The following SENP7 variants were observed in gnomAD, a reference collection of about 807,000 sequenced individuals.
The protein encoded by SENP7 is sentrin-specific protease 7.
Under a neutral mutation model 141.2 loss-of-function variants are expected in SENP7, and 64 were observed. The ratio of observed to expected loss-of-function variants is 0.45; its 90% CI spans 0.37 to 0.56. The LOEUF (loss-of-function observed/expected upper bound fraction) is 0.56, where lower values mean the gene tolerates loss of function less well. Among genes scored for constraint, SENP7 ranks in the 20% least tolerant of loss-of-function variants. SENP7 has a pLI of 0.00. For missense variants in SENP7, 1,025 were observed against 1,212.2 expected (o/e 0.85, Z 2.29); for synonymous variants, 382 against 426.4 (o/e 0.90, Z 1.28).
At chr3:101,334,828 G>A (rs1024562372) in intron 17 of SENP7, among the ~76,000 whole-genome samples, 29 of 152,092 alleles carry the variant, frequency 1.9e-4, no homozygotes, top group African/African-American at 5.6e-4. Context: ...CATAGAATGA[G>A]GCAAGGAGGA....
At chr3:101,509,989 C>G (rs2065784262) in intron 1 of SENP7, among the ~76,000 whole-genome samples, 1 of 152,180 alleles carries the variant, frequency 6.6e-6, no homozygotes, top group African/African-American at 2.4e-5. Context: ...TTATCCTTAA[C>G]TACAAATGAG....
Position 101,417,634 on chromosome 3 carries a change from T to C in SENP7, c.441A>G (p.Gln147=), listed in dbSNP as rs777321475. Residue 147 remains glutamine (Q), a synonymous_variant, in exon 5 of 24, where the codon CAA becomes CAG. Transcript: ENST00000394095. Reference sequence around the variant, plus strand: ...GGCTTTGGCGAAGAGGTTCTAATTTTTGACATGTCTCTAGGCTGTCAACAG... The same window carrying C: ...GGCTTTGGCGAAGAGGTTCTAATTTCTGACATGTCTCTAGGCTGTCAACAG... ...STSVDSLETC[Q]KLEPLRQSLN... is the part of the protein sequence containing the mutation. 3.7e-6 allele frequency: 6 copies of C among 1,613,998 alleles called. No individual in the cohort carries two copies. Among genetic ancestry groups the C allele is most frequent in the South Asian group, 1.1e-5 (1 of 91,080 alleles).
Position 101,513,137 on chromosome 3 carries a change from C to T in SENP7, c.-7G>A. 1 of 1,607,624 alleles carries T rather than the reference C, an allele frequency of 6.2e-7. No homozygotes were observed. Among genetic ancestry groups the T allele is most frequent in the African/African-American group, 1.4e-5 (1 of 73,930 alleles). On this transcript the variant is annotated 5_prime_UTR_variant, in exon 1 of 24. Transcript: ENST00000394095. ...CGAGCTTTCTCTTGTCCATCTTCTCCCGCTGCTGAAATTTCAGTTGCAGGC... is the reference window on the plus strand; with the variant it reads ...CGAGCTTTCTCTTGTCCATCTTCTCTCGCTGCTGAAATTTCAGTTGCAGGC...
chr3:101,329,699 A>G (rs1319171484), intron 20 of SENP7, among the ~76,000 whole-genome samples: 1 of 149,920 alleles, frequency 6.7e-6, no homozygotes, highest in East Asian at 2.0e-4. Context: ...GCACTTTGGG[A>G]GGCCCAGGCA....
chr3:101,431,783 C>CAA (rs5851272), intron 4 of SENP7, among the ~76,000 whole-genome samples: 3 of 151,386 alleles, frequency 2.0e-5, no homozygotes, highest in South Asian at 4.2e-4. Flanking sequence ...GACTTCGTCT[C>CAA]AAAAAAAATC....
intron 23 of SENP7, among the ~76,000 whole-genome samples, chr3:101,327,340 T>TC (rs2058929540): frequency 6.6e-6 from 1 of 152,040 alleles, no homozygotes; most frequent in African/African-American, 2.4e-5. Context: ...GGGGCGGTTT[T>TC]CCCCCATGCT....
In SENP7 at chr3:101,331,464, G is replaced by A. The variant is rs1425029807; in HGVS notation, c.2698+521C>T. Among the ~76,000 whole-genome samples the A allele has an allele frequency of 1.1e-4, 10 of 87,674 alleles. No homozygotes were observed. In the Admixed American group the frequency reaches 1.2e-3, roughly 11 times the overall value. The allele number at this position is 87,674 out of a possible 152,430, so 57.5% of individuals were successfully genotyped here. The stretch of plus-strand genomic sequence containing the variant: ...AGCCACTGCACTACACCAAGACAAC[G>A]TCTCTTAAAAAAAAAAAAAAAGTAT... On this transcript the variant is annotated intron_variant, in intron 19 of 23. Transcript: ENST00000394095.
intron 2 of SENP7, among the ~76,000 whole-genome samples, chr3:101,498,862 T>A (rs2065260900): frequency 6.6e-6 from 1 of 152,164 alleles, no homozygotes; most frequent in African/African-American, 2.4e-5. Context: ...CTAGGTTGCA[T>A]GCTCCTCATG....
At chr3:101,444,113 T>C (rs992534906) in intron 4 of SENP7, among the ~76,000 whole-genome samples, 1 of 133,934 alleles carries the variant, frequency 7.5e-6, no homozygotes, top group Non-Finnish European at 1.6e-5. Context: ...AAAGAAGACA[T>C]TTATGCAGCC....
intron 13 of SENP7, among the ~76,000 whole-genome samples, chr3:101,345,976 T>C (rs7627557): frequency 0.4 from 60,583 of 151,788 alleles, 12,602 homozygotes; most frequent in Admixed American, 0.54. Context: ...GCAGAGTAAA[T>C]AGACAACCCA....
chr3:101,492,388 G>A (rs1017035980), intron 3 of SENP7, among the ~76,000 whole-genome samples: 6 of 151,994 alleles, frequency 3.9e-5, no homozygotes, highest in East Asian at 1.9e-4. Context: ...AAAAAAATAC[G>A]TAAATAAATA....
chr3:101,353,653 T>C (rs960356450), intron 11 of SENP7, among the ~76,000 whole-genome samples: 7 of 152,178 alleles, frequency 4.6e-5, no homozygotes, highest in African/African-American at 1.4e-4. Flanking sequence ...AATAGTTATC[T>C]GAATATAGTA....
chr3:101,331,928 T>A (rs1363257067), intron 19 of SENP7, 57 bp downstream of exon 19: 17 of 1,561,022 alleles, frequency 1.1e-5, no homozygotes, highest in Non-Finnish European at 1.2e-5. Context: ...TTCTTCCCTG[T>A]AACCATTAAA....
intron 6 of SENP7, among the ~76,000 whole-genome samples, chr3:101,380,843 T>C (rs551519744): frequency 4.7e-4 from 72 of 152,094 alleles, no homozygotes; most frequent in Non-Finnish European, 9.0e-4. Flanking sequence ...GCATTGTTTA[T>C]GAGAGAAAAA....
At chr3:101,430,530 G>A (rs2062126587) in intron 4 of SENP7, among the ~76,000 whole-genome samples, 1 of 152,090 alleles carries the variant, frequency 6.6e-6, no homozygotes, top group African/African-American at 2.4e-5. Flanking sequence ...GATCGGTGGT[G>A]ATATCCCCTT....
At chr3:101,462,970 T>G (rs1210978807) in intron 3 of SENP7, among the ~76,000 whole-genome samples, 3 of 151,848 alleles carry the variant, frequency 2.0e-5, no homozygotes, top group African/African-American at 7.3e-5. Flanking sequence ...AATTAAGAAA[T>G]AAAACAGCTA....
intron 2 of SENP7, among the ~76,000 whole-genome samples, chr3:101,499,550 C>CTTTTTTTTTTTTTTTTTTTTTT (rs2065292196): frequency 8.7e-6 from 1 of 115,156 alleles, no homozygotes; most frequent in Non-Finnish European, 1.8e-5. Flanking sequence ...TTTTTTTTTT[C>CTTTTTTTTTTTTTTTTTTTTTT]TTGGAGACAG....
chr3:101,424,178 T>G (rs1283159160), intron 4 of SENP7, among the ~76,000 whole-genome samples: 1 of 151,986 alleles, frequency 6.6e-6, no homozygotes, highest in African/African-American at 2.4e-5. Flanking sequence ...AGGGCAGCAT[T>G]GGGTGCCCTG....
At chr3:101,368,726 T>TATA (rs959088091) in intron 7 of SENP7, among the ~76,000 whole-genome samples, 10 of 151,870 alleles carry the variant, frequency 6.6e-5, no homozygotes, top group Non-Finnish European at 1.2e-4. Flanking sequence ...GGACTTAAAG[T>TATA]ATAATAATAA....
Sources: allele counts gnomAD v4.1 joint callset (sites outside exome capture counted in the v4.1 genomes callset), GRCh38; gene constraint gnomAD v4.1.1; transcripts MANE v1.5; gene names NCBI Gene and HGNC (gene_info 2026-07-23, HGNC 2026-07-21).